ACBD3: variants seen among roughly 807,000 people sequenced by gnomAD.
The protein encoded by ACBD3 is Golgi resident protein GCP60.
Under a neutral mutation model 66.9 loss-of-function variants are expected in ACBD3, and 30 were observed. The ratio of observed to expected loss-of-function variants is 0.45; its 90% CI spans 0.34 to 0.61. The LOEUF is 0.61. ACBD3 is among the 20% of genes least tolerant of loss of function. The pLI is 0.02. For synonymous variants in ACBD3, 278 were observed against 259.8 expected (o/e 1.07, Z -0.68); for missense variants, 544 against 664.5 (o/e 0.82, Z 1.99).
intron 1 of ACBD3, among the ~76,000 whole-genome samples, chr1:226,175,446 T>A (rs181859014): frequency 2.4e-4 from 37 of 152,322 alleles, no homozygotes; most frequent in African/African-American, 8.2e-4. Context: ...ACACTAAGAC[T>A]GATTCAAGAA....
Position 226,146,914 on chromosome 1 carries a change from CAG to C in ACBD3, c.1376-95_1376-94del. 8 of 1,257,788 alleles carry C rather than the reference CAG, an allele frequency of 6.4e-6. 1 individual carries two copies. Among genetic ancestry groups the C allele is most frequent in the South Asian group, 2.6e-5 (2 of 75,554 alleles). 77.9% of individuals were successfully genotyped at this position (1,257,788 alleles called of 1,614,324 possible). On this transcript the variant is annotated intron_variant, in intron 7 of 7. Coordinates refer to ENST00000366812, the MANE Select transcript of ACBD3 (RefSeq NM_022735.4). ...CTATCCTTTCTTTTTTTTCTGGAGA[CAG>C]AGTCTTGCTCTGTCACCCAGGATGG...
intron 3 of ACBD3, among the ~76,000 whole-genome samples, chr1:226,164,487 G>C (rs1165915316): frequency 6.6e-6 from 1 of 152,210 alleles, no homozygotes; most frequent in East Asian, 1.9e-4. Flanking sequence ...GGAGGAGGGA[G>C]TGGTTGAGTT....
At chr1:226,161,170 C>T (rs1342538947) in intron 4 of ACBD3, among the ~76,000 whole-genome samples, 2 of 107,070 alleles carry the variant, frequency 1.9e-5, no homozygotes, top group Admixed American at 1.1e-4. Flanking sequence ...GACGGAGTTT[C>T]ACTCATTACC....
chr1:226,169,341 G>A (rs1372964851), intron 1 of ACBD3, among the ~76,000 whole-genome samples: 2 of 151,574 alleles, frequency 1.3e-5, no homozygotes, highest in Non-Finnish European at 2.9e-5. Flanking sequence ...TCTGCCTCCC[G>A]GGTTCACGCC....
chr1:226,150,629 G>A (rs1043647935), intron 7 of ACBD3, among the ~76,000 whole-genome samples: 16 of 152,230 alleles, frequency 1.1e-4, no homozygotes, highest in Admixed American at 2.0e-4. Flanking sequence ...CACCCACCTC[G>A]GCCTCCCAAA....
chr1:226,166,647 G>A (rs1031408363), intron 1 of ACBD3, among the ~76,000 whole-genome samples: 10 of 151,228 alleles, frequency 6.6e-5, no homozygotes, highest in African/African-American at 2.4e-4. Context: ...GCCATCATAC[G>A]TGGAAAATGT....
intron 4 of ACBD3, among the ~76,000 whole-genome samples, chr1:226,159,831 T>C (rs1659737552): frequency 6.6e-6 from 1 of 152,150 alleles, no homozygotes; most frequent in South Asian, 2.1e-4. Flanking sequence ...TTTAAGATGA[T>C]GGATTGTCAT....
In ACBD3 at chr1:226,165,959, A is replaced by G; in HGVS notation, c.328T>C (p.Leu110=). 1 of 1,610,820 alleles carries G rather than the reference A, an allele frequency of 6.2e-7. No homozygotes were observed. The change falls in exon 2 of 8, where the codon TTG becomes CTG. Residue 110 remains leucine, a synonymous_variant. Transcript: ENST00000366812. ...KAFHPTYEEK[L]KLVALHKQVL... ...TGCTTATGCAGTGCCACAAGCTTCA[A>G]TTTTTCTTCATAAGTTGGATGAAAT...
rs991690398 is a variant in ACBD3 at position 226,146,841 on chromosome 1, T to A, written c.1376-20A>T. The A allele has an allele frequency of 6.2e-7, 1 of 1,607,466 alleles. No individual in the cohort carries two copies. The highest frequency in any genetic ancestry group is 8.5e-7 in the Non-Finnish European group (1 of 1,174,016). On this transcript the variant is annotated intron_variant, in intron 7 of 7. Coordinates refer to ENST00000366812, the MANE Select transcript of ACBD3 (RefSeq NM_022735.4). Reference sequence around the variant, plus strand: ...TGTTTTCTGTAAGAACAGAGACAAGTCAATGAACAGATTCAGGAAAACCAC... The same window carrying A: ...TGTTTTCTGTAAGAACAGAGACAAGACAATGAACAGATTCAGGAAAACCAC...
chr1:226,153,472 C>G (rs1659615419), intron 6 of ACBD3, among the ~76,000 whole-genome samples: 2 of 152,202 alleles, frequency 1.3e-5, no homozygotes, highest in Admixed American at 1.3e-4. Context: ...TCAGATATCT[C>G]AGGTCAATTG....
chr1:226,185,400 A>ACTC (rs1288583638), intron 1 of ACBD3, among the ~76,000 whole-genome samples: 15 of 152,284 alleles, frequency 9.9e-5, no homozygotes, highest in African/African-American at 3.4e-4. Context: ...TCCAAAAGGT[A>ACTC]CTCCCTCTGG....
At chr1:226,182,011 G>A (rs540709877) in intron 1 of ACBD3, among the ~76,000 whole-genome samples, 7 of 151,820 alleles carry the variant, frequency 4.6e-5, no homozygotes, top group African/African-American at 9.7e-5. Context: ...CGGGTGAATC[G>A]CTTGAGCTCA....
chr1:226,156,500 GA>G (rs1178937838), intron 5 of ACBD3, among the ~76,000 whole-genome samples: 5 of 151,478 alleles, frequency 3.3e-5, no homozygotes, highest in South Asian at 2.1e-4. Flanking sequence ...TTCACTGCAG[GA>G]AAAAAAATAC....
chr1:226,183,475 C>T (rs950262279), intron 1 of ACBD3, among the ~76,000 whole-genome samples: 10 of 152,136 alleles, frequency 6.6e-5, no homozygotes, highest in African/African-American at 2.4e-4. Flanking sequence ...AGCTACCACA[C>T]CCGGCCGAAA....
rs190963667 is a variant in ACBD3 at position 226,183,683 on chromosome 1, C to T, written c.286+2707G>A. 6.5e-4 allele frequency among the ~76,000 whole-genome samples: 98 copies of T among 151,668 alleles called. No homozygotes were observed. The South Asian group carries it at 8.5e-3, about 13-fold the overall frequency. Reference sequence around the variant, plus strand: ...CCAAGGTGGGCAGATCACCTGAGGTCGGCAGTTCGAGACCAGCATGGAGAA... The same window carrying T: ...CCAAGGTGGGCAGATCACCTGAGGTTGGCAGTTCGAGACCAGCATGGAGAA... On this transcript the variant is annotated intron_variant, in intron 1 of 7. Coordinates refer to ENST00000366812, the MANE Select transcript of ACBD3 (RefSeq NM_022735.4).
Position 226,146,933 on chromosome 1 carries a change from C to T in ACBD3, c.1376-112G>A, listed in dbSNP as rs935339064. ...TGGAGACAGAGTCTTGCTCTGTCAC[C>T]CAGGATGGAGTGCAGCGGCGTGATC... On this transcript the variant is annotated intron_variant, in intron 7 of 7. Transcript: ENST00000366812. The T allele has an allele frequency of 1.4e-5, 15 of 1,086,638 alleles. No homozygotes were observed. The Admixed American group carries it at 1.6e-4, about 12-fold the overall frequency. The allele number at this position is 1,086,638 out of a possible 1,614,324, so 67.3% of individuals were successfully genotyped here.
Position 226,152,494 on chromosome 1 carries a change from G to C in ACBD3, c.1216C>G (p.Arg406Gly). 2.5e-6 allele frequency: 4 copies of C among 1,614,146 alleles called. No individual in the cohort carries two copies. Among genetic ancestry groups the C allele is most frequent in the Non-Finnish European group, 3.4e-6 (4 of 1,180,018 alleles). The change falls in exon 7 of 8, where the codon CGA becomes GGA. Residue 406 changes from arginine to glycine, a missense_variant. Arg to Gly is a moderately radical substitution (Grantham distance 125). Coordinates refer to ENST00000366812, the MANE Select transcript of ACBD3 (RefSeq NM_022735.4). ...TVGRGEVVTVRVPTHEEGSYL... is the reference protein window; with the variant it reads ...TVGRGEVVTVGVPTHEEGSYL... ...GATCCTTCTTCATGGGTGGGTACTC[G>C]AACAGTGACCACTTCTCCTCGGCCC...
intron 1 of ACBD3, among the ~76,000 whole-genome samples, chr1:226,174,058 C>T (rs1044072658): frequency 2.6e-5 from 4 of 151,922 alleles, no homozygotes; most frequent in Admixed American, 2.0e-4. Flanking sequence ...CCACCGCACC[C>T]AACCAAGAAT....
chr1:226,166,633 A>G (rs1659883558), intron 1 of ACBD3, among the ~76,000 whole-genome samples: 1 of 151,222 alleles, frequency 6.6e-6, no homozygotes, highest in Non-Finnish European at 1.5e-5. Flanking sequence ...CTACAGGAGT[A>G]TGCGCCATCA....
Sources: allele counts gnomAD v4.1 joint callset (sites outside exome capture counted in the v4.1 genomes callset), GRCh38; gene constraint gnomAD v4.1.1; transcripts MANE v1.5; gene names NCBI Gene and HGNC (gene_info 2026-07-23, HGNC 2026-07-21).